The following MYO19 variants were observed in gnomAD, a reference collection of about 807,000 sequenced individuals.
MYO19 encodes myosin XIX.
In MYO19, 132 loss-of-function variants were observed where a neutral mutation model predicts 129.2. That is an observed-to-expected ratio of 1.02 (90% CI 0.89 to 1.18). The LOEUF is 1.18. Among genes scored for constraint, MYO19 ranks in the 50% most tolerant of loss-of-function variants. The pLI is 0.00. For missense variants in MYO19, 1,210 were observed against 1,216.7 expected, an observed-to-expected ratio of 0.99 and a Z score of 0.08; for synonymous variants, 531 against 477.2, an observed-to-expected ratio of 1.11 and a Z score of -1.47.
intron 11 of MYO19, chr17:36,512,686 G>C: frequency 7.8e-7 from 1 of 1,289,180 alleles, no homozygotes. Flanking sequence ...CCCCCATCTG[G>C]AGGTGAGGGT....
chr17:36,532,493 T>G, intron 3 of MYO19, 34 bp downstream of exon 3: 1 of 1,553,264 alleles, frequency 6.4e-7, no homozygotes, highest in African/African-American at 1.4e-5. Flanking sequence ...TGCAGGTGCT[T>G]GAGGGCCTGG....
At chr17:36,508,913 G>T in intron 14 of MYO19, 149 bp downstream of exon 14, 1 of 677,108 alleles carries the variant, frequency 1.5e-6, no homozygotes, top group Non-Finnish European at 2.6e-6. Flanking sequence ...CAGAGATCTC[G>T]CTCTATGCTG....
intron 14 of MYO19, 38 bp downstream of exon 14, chr17:36,509,024 T>C: frequency 6.3e-7 from 1 of 1,593,158 alleles, no homozygotes; most frequent in Non-Finnish European, 8.6e-7. Flanking sequence ...TTATTGCTCT[T>C]TTTCTGGAGT....
At chr17:36,529,543 C>A (rs1460996144) in intron 3 of MYO19, among the ~76,000 whole-genome samples, 3 of 152,136 alleles carry the variant, frequency 2.0e-5, no homozygotes, top group African/African-American at 7.2e-5. Flanking sequence ...GCCATGGTGG[C>A]AAATTTCCTC....
rs2071346235 is a variant in MYO19 at position 36,499,664 on chromosome 17, C to CTTTTTTCTTTTTTTTTTTTTTTTTTTTTT, written c.2378-505_2378-504insAAAAAAAAAAAAAAAAAAAAAAGAAAAAA. ...CAGCATATTCTTTTTCTTTTTGTTT[C>CTTTTTTCTTTTTTTTTTTTTTTTTTTTTT]TTTTTTTTTTTTTTTTTTTTTTTTT... On this transcript the variant is annotated intron_variant, in intron 23 of 25. Coordinates refer to ENST00000614623, the MANE Select transcript of MYO19 (RefSeq NM_001163735.2). 2.6e-4 allele frequency: 16 copies of CTTTTTTCTTTTTTTTTTTTTTTTTTTTTT among 62,630 alleles called. 1 individual carries two copies. The highest frequency in any genetic ancestry group is 5.4e-4 in the African/African-American group (8 of 14,702). 3.9% of individuals were successfully genotyped at this position (62,630 alleles called of 1,614,324 possible).
chr17:36,507,307 G>C lies in MYO19; in HGVS notation c.1467+92C>G, dbSNP rs2071979589. 2.8e-6 allele frequency: 4 copies of C among 1,415,256 alleles called. No homozygotes were observed. The Admixed American group carries it at 7.2e-5, about 26-fold the overall frequency. 87.7% of individuals were successfully genotyped at this position (1,415,256 alleles called of 1,614,324 possible). A position where few individuals can be genotyped will look rare whatever the true frequency, so the allele number is the denominator to read the frequency against. The stretch of plus-strand genomic sequence containing the variant: ...AGATCTATTTGGCAGACTGGGAGGA[G>C]AGAGGCACAGAGAGGAAACAGGATA... On this transcript the variant is annotated intron_variant, in intron 16 of 25. Coordinates refer to ENST00000614623, the MANE Select transcript of MYO19 (RefSeq NM_001163735.2).
chr17:36,505,070 A>C, intron 19 of MYO19: 1 of 741,852 alleles, frequency 1.3e-6, no homozygotes, highest in Non-Finnish European at 2.5e-6. Flanking sequence ...CAAAAAAACA[A>C]GATGCACTGG....
upstream of MYO19, chr17:36,538,443 C>A (rs1367774428): frequency 6.2e-7 from 1 of 1,614,112 alleles, no homozygotes; most frequent in Admixed American, 1.7e-5. Context: ...AAACAGAAAA[C>A]AGTTAATATT....
Position 36,515,171 on chromosome 17 carries a change from T to C in MYO19, c.559A>G (p.Thr187Ala), listed in dbSNP as rs2072656183. ...CGACTGCTGTTGTTATTCCTCAGTG[T>C]ACACGCATTCCCTACAGATCACACC... ...PVMEAFGNAC[T>A]LRNNNSSRFG... The change falls in exon 8 of 26, where the codon ACA (threonine) becomes GCA (alanine). Residue 187 changes from threonine to alanine, a missense_variant. By Grantham distance (58) the Thr-to-Ala change is moderately conservative (BLOSUM62 0). Transcript: ENST00000614623. 1 of 1,612,910 alleles carries C rather than the reference T, an allele frequency of 6.2e-7. No individual in the cohort carries two copies. Among genetic ancestry groups the C allele is most frequent in the Non-Finnish European group, 8.5e-7 (1 of 1,179,472 alleles).
Position 36,507,503 on chromosome 17 carries a change from C to A in MYO19, c.1363G>T (p.Ala455Ser). 1.9e-6 allele frequency: 3 copies of A among 1,613,394 alleles called. No homozygotes were observed. The South Asian group carries it at 3.3e-5, about 18-fold the overall frequency. Residue 455 changes from alanine (A) to serine (S), a missense_variant, in exon 16 of 26, where the codon GCA (alanine) becomes TCA (serine). By Grantham distance (99) the Ala-to-Ser change is moderately conservative. Transcript: ENST00000614623. The stretch of plus-strand genomic sequence containing the variant: ...AATGACCACTCCAGGCCCTCAACTG[C>A]GTATTCCTCCTAAAGAACAAGGTGG... The part of the protein sequence containing the change: ...HYLRAQQEEY[A>S]VEGLEWSFIN...
intron 14 of MYO19, chr17:36,508,810 A>C: frequency 1.9e-6 from 1 of 519,116 alleles, no homozygotes. Flanking sequence ...TGGGGAGGTA[A>C]AGGGCTCTTT....
At chr17:36,504,912 CAAAA>C (rs35146983) in intron 19 of MYO19, 1,304 of 187,192 alleles carry the variant, frequency 7.0e-3, no homozygotes, top group South Asian at 0.012. Flanking sequence ...GGCTCAGTCT[CAAAA>C]AAAAAAAAAA....
chr17:36,523,622 T>C (rs1205452278), intron 6 of MYO19, among the ~76,000 whole-genome samples: 6 of 152,188 alleles, frequency 3.9e-5, no homozygotes, highest in Admixed American at 2.0e-4. Flanking sequence ...ATATATAGTA[T>C]ATTATATGGC....
At chr17:36,536,547 ATG>A (rs2074131503), upstream of MYO19, among the ~76,000 whole-genome samples, 1 of 102,174 alleles carries the variant, frequency 9.8e-6, no homozygotes, top group Admixed American at 1.3e-4. Context: ...TTTTTTTGAG[ATG>A]GAGTCTCACT....
chr17:36,508,923 G>A, intron 14 of MYO19, 139 bp downstream of exon 14: 2 of 705,316 alleles, frequency 2.8e-6, no homozygotes, highest in Non-Finnish European at 5.0e-6. Context: ...GCTCTATGCT[G>A]GCAGGCAGAT....
At chr17:36,499,508 T>A (rs904228790) in intron 23 of MYO19, among the ~76,000 whole-genome samples, 1 of 77,350 alleles carries the variant, frequency 1.3e-5, no homozygotes, top group African/African-American at 2.9e-5. Flanking sequence ...TAAAAACTTT[T>A]TTTTTTGTTT....
chr17:36,512,012 T>C lies in MYO19; in HGVS notation c.895-557A>G, dbSNP rs189057883. ...CACACCGACAAGCCCCCTGGGGCTA[T>C]AGACAGAAGCTCCCCTCACCCCACC... On this transcript the variant is annotated intron_variant, in intron 11 of 25. Transcript: ENST00000614623. Among the ~76,000 whole-genome samples, 14 of 152,224 alleles carry C rather than the reference T, an allele frequency of 9.2e-5. No individual in the cohort carries two copies. In the East Asian group the frequency reaches 1.5e-3, roughly 17 times the overall value.
intron 23 of MYO19, chr17:36,500,018 T>A (rs972198124): frequency 6.6e-6 from 1 of 152,076 alleles, no homozygotes; most frequent in South Asian, 2.1e-4. Context: ...ACTACCACAC[T>A]TGGCTAATTT....
chr17:36,536,985 C>T (rs1567808004), upstream of MYO19: 1 of 960,934 alleles, frequency 1.0e-6, no homozygotes, highest in African/African-American at 1.7e-5. Flanking sequence ...CATTAGGGCC[C>T]AAAGTTCTGC....
Sources: gnomAD v4.1 joint callset for allele counts (sites outside exome capture counted in the v4.1 genomes callset) on GRCh38, gnomAD v4.1.1 for gene constraint, MANE v1.5 for transcripts, NCBI Gene and HGNC (gene_info 2026-07-23, HGNC 2026-07-21) for gene names.